Variants in DTNBP1 observed in about 807,000 individuals in gnomAD.
DTNBP1 encodes dystrobrevin binding protein 1.
In DTNBP1, 35 loss-of-function variants were observed where a neutral mutation model predicts 42.8. The observed-to-expected ratio is 0.82, with a 90% CI of 0.63 to 1.09. The LOEUF (loss-of-function observed/expected upper bound fraction) is 1.09. Ranked by LOEUF, DTNBP1 falls within the 50% of genes least tolerant of loss-of-function variation. The pLI is 0.00. For synonymous variants in DTNBP1, 171 were observed against 162.2 expected, an observed-to-expected ratio of 1.05 and a Z score of -0.41; for missense variants, 457 against 424.2, an observed-to-expected ratio of 1.08 and a Z score of -0.68.
intron 1 of DTNBP1, among the ~76,000 whole-genome samples, chr6:15,662,039 T>TC (rs1761666619): frequency 6.6e-6 from 1 of 152,114 alleles, no homozygotes; most frequent in Non-Finnish European, 1.5e-5. Context: ...CCCACTGGAA[T>TC]CCCCTGGGGA....
At chr6:15,607,298 CA>C (rs1758126631) in intron 6 of DTNBP1, among the ~76,000 whole-genome samples, 1 of 148,590 alleles carries the variant, frequency 6.7e-6, no homozygotes, top group Non-Finnish European at 1.5e-5. Context: ...TGTGCCCGGC[CA>C]AAATATTTCT....
At chr6:15,572,744 T>C (rs1775390739) in intron 7 of DTNBP1, among the ~76,000 whole-genome samples, 1 of 152,174 alleles carries the variant, frequency 6.6e-6, no homozygotes, top group Non-Finnish European at 1.5e-5. Flanking sequence ...TCTTTTTCTC[T>C]TTCTAGAGAC....
chr6:15,603,422 A>G (rs1291558490), intron 6 of DTNBP1, among the ~76,000 whole-genome samples: 2 of 152,208 alleles, frequency 1.3e-5, no homozygotes, highest in East Asian at 3.8e-4. Flanking sequence ...TATATTTTCC[A>G]TGTCTCTACT....
At chr6:15,593,126 T>C in intron 6 of DTNBP1, 45 bp from the exon 7 acceptor site, 1 of 1,515,342 alleles carries the variant, frequency 6.6e-7, no homozygotes, top group South Asian at 1.2e-5. Context: ...AAATTAAAAA[T>C]CTCCCCAATG....
chr6:15,543,405 G>A lies in DTNBP1; in HGVS notation c.512-10010C>T, dbSNP rs535962354. ...TTCACCAGTCACACATGCGCTGTGCGTGCAGATGGGCATACAGCTCCATGC... is the reference window on the plus strand; with the variant it reads ...TTCACCAGTCACACATGCGCTGTGCATGCAGATGGGCATACAGCTCCATGC... On this transcript the variant is annotated intron_variant, in intron 7 of 9. Transcript: ENST00000344537. 3.8e-4 allele frequency among the ~76,000 whole-genome samples: 58 copies of A among 152,240 alleles called. 2 individuals are homozygous for A. Among genetic ancestry groups the A allele is most frequent in the Middle Eastern group, 3.4e-3 (1 of 294 alleles).
At chr6:15,596,508 G>T (rs1776521026) in intron 6 of DTNBP1, among the ~76,000 whole-genome samples, 1 of 152,106 alleles carries the variant, frequency 6.6e-6, no homozygotes, top group South Asian at 2.1e-4. Context: ...AGCAGCATTT[G>T]ACCCAACTGG....
chr6:15,556,668 C>A (rs1189272881), intron 7 of DTNBP1, among the ~76,000 whole-genome samples: 1 of 152,164 alleles, frequency 6.6e-6, no homozygotes, highest in African/African-American at 2.4e-5. Flanking sequence ...ACTTTTGATT[C>A]AGTGTCACCG....
chr6:15,578,121 G>A (rs943107232), intron 7 of DTNBP1, among the ~76,000 whole-genome samples: 1 of 152,230 alleles, frequency 6.6e-6, no homozygotes, highest in Non-Finnish European at 1.5e-5. Flanking sequence ...GAAGGAAGGA[G>A]TCCAGCGCCT....
chr6:15,640,125 G>A (rs1398080849), intron 3 of DTNBP1, among the ~76,000 whole-genome samples: 7 of 152,182 alleles, frequency 4.6e-5, no homozygotes, highest in Admixed American at 6.5e-5. Context: ...ACATGAAGCA[G>A]TTTGGAGAAA....
At chr6:15,545,984 T>C in intron 7 of DTNBP1, 1 of 437,274 alleles carries the variant, frequency 2.3e-6, no homozygotes, top group Non-Finnish European at 4.5e-6. Context: ...CCTCCCACCA[T>C]GCACCCTGGA....
intron 6 of DTNBP1, among the ~76,000 whole-genome samples, chr6:15,608,670 C>T (rs1259182914): frequency 6.6e-6 from 1 of 152,232 alleles, no homozygotes; most frequent in Admixed American, 6.5e-5. Flanking sequence ...TGTCCACATC[C>T]ACCACACTGG....
At chr6:15,640,890 G>A (rs1760305752) in intron 3 of DTNBP1, among the ~76,000 whole-genome samples, 2 of 152,162 alleles carry the variant, frequency 1.3e-5, no homozygotes, top group African/African-American at 4.8e-5. Flanking sequence ...CCAACCCCTG[G>A]ACAGGTAGCC....
intron 4 of DTNBP1, among the ~76,000 whole-genome samples, chr6:15,632,768 T>C (rs2113755208): frequency 6.6e-6 from 1 of 152,366 alleles, no homozygotes; most frequent in African/African-American, 2.4e-5. Context: ...CAATTGCATG[T>C]AAAAGATTTT....
intron 6 of DTNBP1, among the ~76,000 whole-genome samples, chr6:15,612,238 C>T (rs781241126): frequency 1.8e-4 from 27 of 152,146 alleles, no homozygotes; most frequent in Non-Finnish European, 2.6e-4. Context: ...GGCTGATGAT[C>T]ATCAGCAATA....
Position 15,652,101 on chromosome 6 carries a change from C to A in DTNBP1, c.96G>T (p.Val32=). The change falls in exon 2 of 10, where the codon GTG becomes GTT. Residue 32 remains valine, a synonymous_variant. Coordinates refer to ENST00000344537, the MANE Select transcript of DTNBP1 (RefSeq NM_032122.5). ...TLSDKSREAK[V]KSKPRTVPFL... ...CACAAGCTTACCTGGGTTTGCTTTT[C>A]ACTTTTGCTTCTCTTGACTTGTCAC... The A allele has an allele frequency of 6.2e-7, 1 of 1,613,066 alleles. No individual in the cohort carries two copies. The highest frequency in any genetic ancestry group is 1.1e-5 in the South Asian group (1 of 90,916).
At chr6:15,549,645 G>A (rs1381380719) in intron 7 of DTNBP1, among the ~76,000 whole-genome samples, 1 of 152,020 alleles carries the variant, frequency 6.6e-6, no homozygotes, top group Non-Finnish European at 1.5e-5. Flanking sequence ...CAGCAACTCT[G>A]GGCCTCCCCT....
chr6:15,524,558 C>T lies in DTNBP1; in HGVS notation c.779G>A (p.Gly260Glu), dbSNP rs752717673. The change falls in exon 9 of 10, where the codon GGA becomes GAA. Residue 260 changes from glycine to glutamate, a missense_variant. Coordinates refer to ENST00000344537, the MANE Select transcript of DTNBP1 (RefSeq NM_032122.5). ...GGGGGACAGCACAGTGTTCTCTTCT[C>T]CTCCAGAGTTCAGGAAGACGTCCAG... The part of the protein sequence containing the change: ...EALDVFLNSG[G>E]EENTVLSPAL... The T allele has an allele frequency of 5.6e-6, 9 of 1,610,442 alleles. No homozygotes were observed. The South Asian group carries it at 7.7e-5, about 14-fold the overall frequency.
intron 5 of DTNBP1, 93 bp from the exon 6 acceptor site, chr6:15,615,492 T>C: frequency 6.6e-7 from 1 of 1,514,208 alleles, no homozygotes; most frequent in Non-Finnish European, 9.0e-7. Flanking sequence ...GTTCACATTG[T>C]TGAGATTGTT....
intron 7 of DTNBP1, among the ~76,000 whole-genome samples, chr6:15,544,604 T>C (rs1773768632): frequency 6.6e-6 from 1 of 152,218 alleles, no homozygotes; most frequent in African/African-American, 2.4e-5. Context: ...ACAGGTTGAG[T>C]ATCCCTGCGC....
Sources: gnomAD v4.1 joint callset for allele counts (sites outside exome capture counted in the v4.1 genomes callset) on GRCh38, gnomAD v4.1.1 for gene constraint, MANE v1.5 for transcripts, NCBI Gene and HGNC (gene_info 2026-07-23, HGNC 2026-07-21) for gene names.